The following CHRM5 variants were observed in gnomAD, a reference collection of about 807,000 sequenced individuals.
The protein encoded by CHRM5 is cholinergic receptor muscarinic 5.
CHRM5 carries 18 observed loss-of-function variants against 39.0 expected under a neutral mutation model. The ratio of observed to expected loss-of-function variants is 0.46; its 90% CI spans 0.32 to 0.68. The LOEUF (loss-of-function observed/expected upper bound fraction) is 0.68, where lower values mean the gene tolerates loss of function less well. Ranked by LOEUF, CHRM5 falls within the 30% of genes least tolerant of loss-of-function variation. The pLI is 0.04. For missense variants in CHRM5, 515 were observed against 651.1 expected, an observed-to-expected ratio of 0.79 and a Z score of 2.28; for synonymous variants, 241 against 246.3, an observed-to-expected ratio of 0.98 and a Z score of 0.20.
chr15:34,028,367 G>C (rs2078561), intron 1 of CHRM5, among the ~76,000 whole-genome samples: 97,622 of 151,990 alleles, frequency 0.64, 36,712 homozygotes, highest in Non-Finnish European at 0.85. Flanking sequence ...GAGTTCGAGA[G>C]CAGCCTGTGC....
chr15:33,985,576 C>A (rs151183911), intron 1 of CHRM5, among the ~76,000 whole-genome samples: 33 of 151,874 alleles, frequency 2.2e-4, no homozygotes, highest in African/African-American at 7.0e-4. Flanking sequence ...CTTGACATAC[C>A]CATCAGGAGC....
At position 34,063,527 on chromosome 15, in the gene CHRM5, C is replaced by T. The variant is rs754649291; in HGVS notation, c.810C>T (p.Ser270=). ...CCCAGCGGGAAAGGAACCAGGCCTC[C>T]TGGTCATCCTCCCGCAGGAGCACCT... ...TLAQRERNQA[S]WSSSRRSTST... Residue 270 remains serine, a synonymous_variant, in exon 3 of 3, where the codon TCC becomes TCT. Coordinates refer to ENST00000383263, the MANE Select transcript of CHRM5 (RefSeq NM_012125.4). This position sits in a 1 kb window ranked among gnomAD's most constrained non-coding sequence, Gnocchi z 4.1. 7.4e-6 allele frequency: 12 copies of T among 1,613,600 alleles called. No homozygotes were observed. The South Asian group carries it at 1.2e-4, about 16-fold the overall frequency.
At chr15:34,008,483 C>CT (rs200355232) in intron 1 of CHRM5, among the ~76,000 whole-genome samples, 1,567 of 118,962 alleles carry the variant, frequency 0.013, 169 homozygotes, top group African/African-American at 0.059. Flanking sequence ...GATGAAAAAC[C>CT]TTTTTTTTTT....
chr15:34,015,327 C>CA (rs1387203518), intron 1 of CHRM5, among the ~76,000 whole-genome samples: 1 of 151,694 alleles, frequency 6.6e-6, no homozygotes, highest in Non-Finnish European at 1.5e-5. Flanking sequence ...ACTAAAAATA[C>CA]AAAAAATTAG....
In CHRM5 at chr15:34,062,642, G is replaced by C; in HGVS notation, c.-75-1G>C. ...AGCTAATGTGTTTCCCTCTCTTCCA[G>C]ATGCTGGCCAAGAAGAGCTGAAATA... On this transcript the variant is annotated splice_acceptor_variant, in intron 2 of 2. Transcript: ENST00000383263. LOFTEE classifies it low-confidence loss of function (5UTR_SPLICE). The C allele has an allele frequency of 7.1e-7, 1 of 1,405,918 alleles. No homozygotes were observed. The highest frequency in any genetic ancestry group is 2.1e-5 in the Admixed American group (1 of 47,646). 87.1% of individuals were successfully genotyped at this position (1,405,918 alleles called of 1,614,324 possible).
intron 1 of CHRM5, among the ~76,000 whole-genome samples, chr15:34,008,133 T>G (rs746365406): frequency 1.4e-4 from 21 of 151,976 alleles, no homozygotes; most frequent in Non-Finnish European, 2.5e-4. Flanking sequence ...TCGAAAATAA[T>G]GGGTGGGCCT....
intron 2 of CHRM5, among the ~76,000 whole-genome samples, chr15:34,048,445 G>A (rs936849444): frequency 6.6e-6 from 1 of 150,970 alleles, no homozygotes; most frequent in African/African-American, 2.5e-5. Flanking sequence ...TGGCCAGGCT[G>A]CTTCTTTAAG....
intron 1 of CHRM5, among the ~76,000 whole-genome samples, chr15:34,023,226 C>T (rs190438192): frequency 2.5e-3 from 373 of 152,228 alleles, no homozygotes; most frequent in African/African-American, 8.4e-3. Flanking sequence ...CCCCTCTCAT[C>T]CCCCACTCAG....
At chr15:33,992,668 GA>G (rs11294665) in intron 1 of CHRM5, among the ~76,000 whole-genome samples, 151,133 of 152,280 alleles carry the variant, frequency 0.99, 75,009 homozygotes, top group Middle Eastern at 1. Context: ...CAAGAAGAGG[GA>G]AAAAAATGAG....
At chr15:33,970,999 T>C (rs80355386) in intron 1 of CHRM5, among the ~76,000 whole-genome samples, 3,387 of 152,134 alleles carry the variant, frequency 0.022, 46 homozygotes, top group Non-Finnish European at 0.034. Flanking sequence ...AAGTGATTAC[T>C]GAAGTTTTGG....
At position 34,045,643 on chromosome 15, in the gene CHRM5, T is replaced by TA. The variant is rs550510828; in HGVS notation, c.-407-896dup. On this transcript the variant is annotated intron_variant, in intron 1 of 2. Coordinates refer to ENST00000383263, the MANE Select transcript of CHRM5 (RefSeq NM_012125.4). ...TAGATGCCATTAAAGTTTTCCACTG[T>TA]AGTTGCTATAGAAACAATGAAGAGT... Among the ~76,000 whole-genome samples the TA allele has an allele frequency of 2.7e-3, 406 of 152,068 alleles. 2 individuals are homozygous for TA. The highest frequency in any genetic ancestry group is 9.5e-3 in the African/African-American group (394 of 41,462).
intron 1 of CHRM5, among the ~76,000 whole-genome samples, chr15:33,988,444 C>T (rs995595573): frequency 6.6e-6 from 1 of 152,170 alleles, no homozygotes; most frequent in Admixed American, 6.5e-5. Context: ...ATAATGAAAC[C>T]TACCCTATTA....
In CHRM5 at chr15:33,975,746, A is replaced by T. The variant is rs139237449; in HGVS notation, c.-408+6596A>T. On this transcript the variant is annotated intron_variant, in intron 1 of 2. Transcript: ENST00000383263. Reference sequence around the variant, plus strand: ...GGAGTTCAAGACCAGCCTGACCAACATGGTGAAATCCCATCTCTACTGAGA... The same window carrying T: ...GGAGTTCAAGACCAGCCTGACCAACTTGGTGAAATCCCATCTCTACTGAGA... 5.1e-3 allele frequency among the ~76,000 whole-genome samples: 781 copies of T among 152,264 alleles called. 2 individuals are homozygous for T. The highest frequency in any genetic ancestry group is 8.5e-3 in the Non-Finnish European group (577 of 68,016).
At chr15:34,014,752 C>A (rs1897808931) in intron 1 of CHRM5, among the ~76,000 whole-genome samples, 1 of 152,156 alleles carries the variant, frequency 6.6e-6, no homozygotes. Context: ...ACTCCAACAG[C>A]TGGTGAGTTC....
At chr15:34,039,781 G>A (rs993490615) in intron 1 of CHRM5, among the ~76,000 whole-genome samples, 3 of 152,158 alleles carry the variant, frequency 2.0e-5, no homozygotes, top group African/African-American at 7.2e-5. Flanking sequence ...AGCTCTATGA[G>A]GTAGGGATGA....
chr15:34,044,712 T>C (rs1023233637), intron 1 of CHRM5, among the ~76,000 whole-genome samples: 3 of 152,200 alleles, frequency 2.0e-5, no homozygotes, highest in African/African-American at 7.2e-5. Flanking sequence ...GTCCAGTTTA[T>C]GCCTTCATGT....
intron 1 of CHRM5, among the ~76,000 whole-genome samples, chr15:33,976,508 T>C (rs1385746561): frequency 6.6e-6 from 1 of 152,264 alleles, no homozygotes; most frequent in Non-Finnish European, 1.5e-5. Flanking sequence ...AGATTTTTTA[T>C]GGCCTCTCCA....
In CHRM5 at chr15:34,066,814, C is replaced by CAAA. The variant is rs34150283; in HGVS notation, c.*2507_*2509dup. ...TAAGTGACAGAGCAAGACCCTGCCT[C>CAAA]AAAAAAAAAAAGAGAGAGAGAGAGG... is the stretch of plus-strand genomic sequence containing the variant. On this transcript the variant is annotated 3_prime_UTR_variant, in exon 3 of 3. Transcript: ENST00000383263. The CAAA allele has an allele frequency of 8.0e-3, 1,178 of 147,568 alleles. 14 individuals carry two copies. Among genetic ancestry groups the CAAA allele is most frequent in the African/African-American group, 0.026 (1,029 of 40,210 alleles). 9.1% of individuals were successfully genotyped at this position (147,568 alleles called of 1,614,324 possible). A position where few individuals can be genotyped will look rare whatever the true frequency, so the allele number is the denominator to read the frequency against.
chr15:34,018,994 T>C (rs796780661), intron 1 of CHRM5, among the ~76,000 whole-genome samples: 9 of 152,232 alleles, frequency 5.9e-5, no homozygotes, highest in African/African-American at 1.9e-4. Context: ...AGAGTGCTCA[T>C]TGGTGCATCT....
Sources: allele counts gnomAD v4.1 joint callset (sites outside exome capture counted in the v4.1 genomes callset), GRCh38; gene constraint gnomAD v4.1.1; non-coding constraint Gnocchi (gnomAD v3.1); transcripts MANE v1.5; gene names NCBI Gene and HGNC (gene_info 2026-07-23, HGNC 2026-07-21).